The following HERC4 variants were observed in gnomAD, a reference collection of about 807,000 sequenced individuals.
The protein encoded by HERC4 is probable E3 ubiquitin-protein ligase HERC4.
In HERC4, 28 loss-of-function variants were observed where a neutral mutation model predicts 124.3. The observed-to-expected ratio is 0.23, with a 90% CI of 0.17 to 0.31. The LOEUF is 0.31. HERC4 is among the 10% of genes least tolerant of loss of function. HERC4 has a pLI of 1.00. For missense variants in HERC4, 713 were observed against 1,229.3 expected (o/e 0.58, Z 6.28); for synonymous variants, 407 against 421.5 (o/e 0.97, Z 0.42).
At chr10:68,028,812 ATAAC>A (rs1296830918) in intron 7 of HERC4, among the ~76,000 whole-genome samples, 1 of 152,306 alleles carries the variant, frequency 6.6e-6, no homozygotes, top group Non-Finnish European at 1.5e-5. Context: ...ATACAGTAAA[ATAAC>A]TACTTCTTTG....
chr10:68,016,344 TTTC>T (rs759596264), intron 8 of HERC4, among the ~76,000 whole-genome samples: 7 of 152,092 alleles, frequency 4.6e-5, no homozygotes, highest in Non-Finnish European at 1.0e-4. Context: ...ATAATACATA[TTTC>T]TTTTTTAAAA....
chr10:68,067,397 C>T (rs757467336), intron 3 of HERC4, among the ~76,000 whole-genome samples: 1 of 152,176 alleles, frequency 6.6e-6, no homozygotes, highest in African/African-American at 2.4e-5. Context: ...CTATCATCCA[C>T]ATCTTTCTCT....
intron 15 of HERC4, among the ~76,000 whole-genome samples, chr10:67,987,661 C>CA (rs2036339193): frequency 1.3e-5 from 2 of 151,996 alleles, no homozygotes; most frequent in Non-Finnish European, 2.9e-5. Flanking sequence ...TTTCATCAAT[C>CA]AAAATGAAGA....
intron 3 of HERC4, 140 bp from the exon 4 acceptor site, chr10:68,044,703 C>T: frequency 1.4e-6 from 1 of 717,358 alleles, no homozygotes; most frequent in Non-Finnish European, 2.3e-6. Context: ...TGCTTAAACA[C>T]ACACTAGATA....
In HERC4 at chr10:68,059,855, CATA is replaced by C. The variant is rs1342377013; in HGVS notation, c.226+13025_226+13027del. On this transcript the variant is annotated intron_variant, in intron 3 of 24. Coordinates refer to ENST00000373700, the MANE Select transcript of HERC4 (RefSeq NM_015601.4). ...TTATATATTATAATATATTATATAT[CATA>C]ATATTATATATTATAATAATATTAT... is the stretch of plus-strand genomic sequence containing the variant. 6.2e-4 allele frequency among the ~76,000 whole-genome samples: 24 copies of C among 38,962 alleles called. 3 individuals carry two copies. The highest frequency in any genetic ancestry group is 4.3e-3 in the South Asian group (4 of 936). 25.6% of individuals were successfully genotyped at this position (38,962 alleles called of 152,430 possible). A position where few individuals can be genotyped will look rare whatever the true frequency, so the allele number is the denominator to read the frequency against.
intron 15 of HERC4, among the ~76,000 whole-genome samples, chr10:67,974,130 G>A (rs1197781276): frequency 2.3e-5 from 3 of 133,084 alleles, no homozygotes; most frequent in Admixed American, 7.9e-5. Flanking sequence ...ATACACACAG[G>A]GTCAGGAAAA....
intron 8 of HERC4, among the ~76,000 whole-genome samples, 182 bp from the exon 9 acceptor site, chr10:68,014,368 G>C (rs1223012543): frequency 6.6e-6 from 1 of 152,110 alleles, no homozygotes; most frequent in African/African-American, 2.4e-5. Flanking sequence ...AATGAATTCT[G>C]CATCACATAG....
rs1194124121 is a variant in HERC4 at position 67,992,689 on chromosome 10, T to TA, written c.1070-8dup. 5.0e-6 allele frequency: 7 copies of TA among 1,387,784 alleles called. No homozygotes were observed. Among genetic ancestry groups the TA allele is most frequent in the Non-Finnish European group, 7.0e-6 (7 of 1,002,304 alleles). The allele number at this position is 1,387,784 out of a possible 1,614,324, so 86.0% of individuals were successfully genotyped here. On this transcript the variant is annotated splice_region_variant and splice_polypyrimidine_tract_variant and intron_variant, in intron 9 of 24. Coordinates refer to ENST00000373700, the MANE Select transcript of HERC4 (RefSeq NM_015601.4). Reference sequence around the variant, plus strand: ...CAGAAATATTCTTCAGAATCTGTAATAAAAATGTAAAAAATTAAAAGCCAA... The same window carrying TA: ...CAGAAATATTCTTCAGAATCTGTAATAAAAAATGTAAAAAATTAAAAGCCAA...
At chr10:68,041,640 T>C (rs1254574102) in intron 4 of HERC4, among the ~76,000 whole-genome samples, 1 of 152,196 alleles carries the variant, frequency 6.6e-6, no homozygotes, top group Non-Finnish European at 1.5e-5. Flanking sequence ...TTTTAAAAGA[T>C]AAACTACATC....
At chr10:67,931,206 G>T (rs189871170) in intron 23 of HERC4, among the ~76,000 whole-genome samples, 1 of 151,414 alleles carries the variant, frequency 6.6e-6, no homozygotes, top group Non-Finnish European at 1.5e-5. Flanking sequence ...GGATGGTCTC[G>T]ATCTCTTAAC....
At chr10:68,040,560 T>C in intron 4 of HERC4, 1 of 532,176 alleles carries the variant, frequency 1.9e-6, no homozygotes, top group Non-Finnish European at 2.4e-6. Context: ...TGTTTAATCA[T>C]TTCTAATTTT....
Position 68,023,540 on chromosome 10 carries a change from A to C in HERC4, c.908+2006T>G, listed in dbSNP as rs117027771. Among the ~76,000 whole-genome samples the C allele has an allele frequency of 1.6e-4, 25 of 152,310 alleles. No homozygotes were observed. The East Asian group carries it at 4.6e-3, about 28-fold the overall frequency. On this transcript the variant is annotated intron_variant, in intron 8 of 24. Transcript: ENST00000373700. Reference sequence around the variant, plus strand: ...GACAGGAAGTAGAATGGTGGTTGCCACAAGAGAGTATGGAGAATAGGGAGT... The same window carrying C: ...GACAGGAAGTAGAATGGTGGTTGCCCCAAGAGAGTATGGAGAATAGGGAGT...
chr10:67,951,203 T>G (rs1456130861), intron 19 of HERC4, among the ~76,000 whole-genome samples: 1 of 152,170 alleles, frequency 6.6e-6, no homozygotes, highest in Non-Finnish European at 1.5e-5. Flanking sequence ...AACTCTGTGT[T>G]TCTAGCAGCA....
At chr10:68,029,746 G>GTT (rs986210401) in intron 7 of HERC4, among the ~76,000 whole-genome samples, 6 of 138,366 alleles carry the variant, frequency 4.3e-5, no homozygotes, top group South Asian at 2.3e-4. Context: ...ATAACACTTT[G>GTT]TTTTTTTTTT....
intron 23 of HERC4, among the ~76,000 whole-genome samples, chr10:67,925,726 C>A (rs2030841848): frequency 1.3e-5 from 2 of 151,932 alleles, no homozygotes; most frequent in Non-Finnish European, 2.9e-5. Context: ...AAAAAAAAAC[C>A]TCTATGGCTT....
At chr10:67,973,291 A>G (rs987050831) in intron 15 of HERC4, among the ~76,000 whole-genome samples, 1 of 152,232 alleles carries the variant, frequency 6.6e-6, no homozygotes, top group Non-Finnish European at 1.5e-5. Context: ...GCCCCCACCT[A>G]AACTGCTAAA....
intron 8 of HERC4, among the ~76,000 whole-genome samples, chr10:68,023,917 T>A (rs10997911): frequency 0.045 from 6,793 of 152,200 alleles, 509 homozygotes; most frequent in African/African-American, 0.15. Flanking sequence ...AGGAAAATAT[T>A]TCTTAGAAAA....
chr10:68,042,102 C>T (rs1047953260), intron 4 of HERC4, among the ~76,000 whole-genome samples: 15 of 152,100 alleles, frequency 9.9e-5, no homozygotes, highest in African/African-American at 9.7e-5. Flanking sequence ...CTGCAACCTC[C>T]GCCTCCCAGG....
chr10:68,008,322 C>T (rs1242257139), intron 9 of HERC4, among the ~76,000 whole-genome samples: 1 of 152,170 alleles, frequency 6.6e-6, no homozygotes, highest in Non-Finnish European at 1.5e-5. Context: ...TTATTCAAAG[C>T]CCAAGGGCTC....
Sources: allele counts gnomAD v4.1 joint callset (sites outside exome capture counted in the v4.1 genomes callset), GRCh38; gene constraint gnomAD v4.1.1; transcripts MANE v1.5; gene names NCBI Gene and HGNC (gene_info 2026-07-23, HGNC 2026-07-21).